Variants in COL22A1 observed in about 807,000 individuals in gnomAD.
COL22A1 encodes the protein collagen alpha-1(XXII) chain.
Under a neutral mutation model 248.9 loss-of-function variants are expected in COL22A1, and 221 were observed. The observed-to-expected ratio is 0.89, with a 90% confidence interval of 0.80 to 0.99. The LOEUF (loss-of-function observed/expected upper bound fraction) is 0.99. Ranked by LOEUF, COL22A1 falls within the 50% of genes least tolerant of loss-of-function variation. The pLI, the probability that COL22A1 is intolerant of heterozygous loss-of-function variation, is 0.00. For synonymous variants in COL22A1, 891 were observed against 793.4 expected (o/e 1.12, Z -2.07); for missense variants, 2,240 against 2,179.0 (o/e 1.03, Z -0.56).
intron 22 of COL22A1, among the ~76,000 whole-genome samples, chr8:138,739,086 A>G (rs986945490): frequency 1.4e-4 from 22 of 152,144 alleles, no homozygotes; most frequent in Non-Finnish European, 2.6e-4. Flanking sequence ...TTCCCCTCAA[A>G]GCAGCCAGGA....
At chr8:138,645,349 C>G (rs953463886) in intron 47 of COL22A1, among the ~76,000 whole-genome samples, 4 of 152,196 alleles carry the variant, frequency 2.6e-5, no homozygotes, top group Non-Finnish European at 5.9e-5. Flanking sequence ...CTGGTCTTTG[C>G]TATCTCATCC....
At chr8:138,649,568 C>T in intron 46 of COL22A1, 97 bp downstream of exon 46, 2 of 1,529,746 alleles carry the variant, frequency 1.3e-6, no homozygotes, top group East Asian at 2.4e-5. Flanking sequence ...CCCCTCAAAC[C>T]CTGAACACCT....
chr8:138,837,566 G>C lies in COL22A1; in HGVS notation c.734-4416C>G, dbSNP rs190092650. Among the ~76,000 whole-genome samples, 769 of 152,326 alleles carry C rather than the reference G, an allele frequency of 5.0e-3. 4 individuals are homozygous for C. The highest frequency in any genetic ancestry group is 6.2e-3 in the Non-Finnish European group (419 of 68,032). On this transcript the variant is annotated intron_variant, in intron 4 of 64. Transcript: ENST00000303045. Reference sequence around the variant, plus strand: ...CTGGGCTCCCAGGCAGGCCCAGTGAGGAGCAGCTGTTGGAACTGACTGGGC... The same window carrying C: ...CTGGGCTCCCAGGCAGGCCCAGTGACGAGCAGCTGTTGGAACTGACTGGGC...
In COL22A1 at chr8:138,700,118, C is replaced by T. The variant is rs1221026846; in HGVS notation, c.2586G>A (p.Arg862=). 1.2e-6 allele frequency: 2 copies of T among 1,613,468 alleles called. No homozygotes were observed. Among genetic ancestry groups the T allele is most frequent in the Non-Finnish European group, 1.7e-6 (2 of 1,179,886 alleles). The change falls in exon 32 of 65, where the codon CGG becomes CGA. Residue 862 remains arginine, a synonymous_variant. Coordinates refer to ENST00000303045, the MANE Select transcript of COL22A1 (RefSeq NM_152888.3). ...GTTSLFTPHP[R]MPGEQGPKGE... ...AGGCACCGCTACTACTTACGGGCAT[C>T]CGTGGATGTGGTGTGAACAGGGATG...
At chr8:138,726,197 T>C (rs1261903575) in intron 23 of COL22A1, among the ~76,000 whole-genome samples, 1 of 151,618 alleles carries the variant, frequency 6.6e-6, no homozygotes, top group Non-Finnish European at 1.5e-5. Flanking sequence ...GACAAATAAT[T>C]ACGGTAGAAA....
At chr8:138,713,284 C>T (rs558412055) in intron 30 of COL22A1, among the ~76,000 whole-genome samples, 2 of 152,228 alleles carry the variant, frequency 1.3e-5, no homozygotes, top group African/African-American at 4.8e-5. Context: ...CATGTGGTCC[C>T]AGCCAAGCTT....
At chr8:138,671,492 G>A (rs779088795) in intron 41 of COL22A1, among the ~76,000 whole-genome samples, 1 of 152,228 alleles carries the variant, frequency 6.6e-6, no homozygotes, top group South Asian at 2.1e-4. Context: ...CTGCTTAAAT[G>A]CTGCGTGATT....
chr8:138,836,646 TTTTC>T (rs1391758787), intron 4 of COL22A1, among the ~76,000 whole-genome samples: 2 of 152,170 alleles, frequency 1.3e-5, no homozygotes, highest in African/African-American at 4.8e-5. Context: ...GGCTGAGTCA[TTTTC>T]TTTCTATCAG....
intron 18 of COL22A1, 53 bp downstream of exon 18, chr8:138,760,190 C>G: frequency 6.8e-7 from 1 of 1,477,296 alleles, no homozygotes; most frequent in Non-Finnish European, 9.1e-7. Flanking sequence ...CGGGCAGTCC[C>G]CGCACCTGCC....
chr8:138,835,557 G>T (rs1820362688), intron 4 of COL22A1, among the ~76,000 whole-genome samples: 1 of 152,160 alleles, frequency 6.6e-6, no homozygotes, highest in Non-Finnish European at 1.5e-5. Context: ...TTGAAGACAG[G>T]GCCCAGCTTG....
chr8:138,728,963 G>A (rs970425467), intron 23 of COL22A1, among the ~76,000 whole-genome samples: 2 of 152,056 alleles, frequency 1.3e-5, no homozygotes, highest in African/African-American at 4.8e-5. Context: ...CTGCTGATGA[G>A]CCCGTGAGCA....
intron 36 of COL22A1, 106 bp from the exon 37 acceptor site, chr8:138,689,076 A>C: frequency 1.2e-6 from 1 of 857,402 alleles, no homozygotes; most frequent in Non-Finnish European, 2.0e-6. Flanking sequence ...GAAGTCAACG[A>C]CTACAGCTCC....
At chr8:138,629,283 A>G (rs1436935819) in intron 50 of COL22A1, among the ~76,000 whole-genome samples, 1 of 152,132 alleles carries the variant, frequency 6.6e-6, no homozygotes, top group East Asian at 1.9e-4. Flanking sequence ...CAGCCTCCCA[A>G]GTAGGTGGGA....
intron 16 of COL22A1, among the ~76,000 whole-genome samples, chr8:138,772,304 G>T (rs1834435812): frequency 6.6e-6 from 1 of 152,216 alleles, no homozygotes; most frequent in African/African-American, 2.4e-5. Flanking sequence ...GGTGCGTTAT[G>T]TTAAAAATCC....
chr8:138,692,158 ATG>A, intron 35 of COL22A1, among the ~76,000 whole-genome samples: 1 of 139,676 alleles, frequency 7.2e-6, no homozygotes, highest in South Asian at 2.4e-4. Flanking sequence ...TGGTATGTGT[ATG>A]TGTGGAGGTG....
chr8:138,752,999 T>C (rs1268847301), intron 21 of COL22A1, among the ~76,000 whole-genome samples: 1 of 152,208 alleles, frequency 6.6e-6, no homozygotes, highest in Non-Finnish European at 1.5e-5. Context: ...TATGTTTACA[T>C]AGGAGAAGAT....
intron 3 of COL22A1, among the ~76,000 whole-genome samples, chr8:138,874,625 C>T (rs1823572830): frequency 6.6e-6 from 1 of 152,174 alleles, no homozygotes; most frequent in African/African-American, 2.4e-5. Context: ...CTGAGATCCA[C>T]TGAGAGGTGT....
intron 56 of COL22A1, 105 bp downstream of exon 56, chr8:138,613,762 T>TACAA: frequency 9.1e-7 from 1 of 1,093,962 alleles, no homozygotes; most frequent in Non-Finnish European, 1.4e-6. Context: ...ATATTACAAT[T>TACAA]TTTTAACAAT....
chr8:138,637,799 C>T (rs1378898736), intron 47 of COL22A1, among the ~76,000 whole-genome samples: 2 of 150,804 alleles, frequency 1.3e-5, no homozygotes, highest in Non-Finnish European at 2.9e-5. Flanking sequence ...TATCATCATT[C>T]TCATTGTCAG....
Sources: allele counts gnomAD v4.1 joint callset (sites outside exome capture counted in the v4.1 genomes callset), GRCh38; gene constraint gnomAD v4.1.1; transcripts MANE v1.5; gene names NCBI Gene and HGNC (gene_info 2026-07-23, HGNC 2026-07-21).